The following RIMKLB variants were observed in gnomAD, a reference collection of about 807,000 sequenced individuals.
RIMKLB encodes the protein ribosomal modification protein rimK like family member B.
RIMKLB carries 7 observed loss-of-function variants against 32.0 expected under a neutral mutation model. That is an observed-to-expected ratio of 0.22 (90% CI 0.12 to 0.41). The LOEUF (loss-of-function observed/expected upper bound fraction) is 0.41, where lower values mean the gene tolerates loss of function less well. Among genes scored for constraint, RIMKLB ranks in the 10% least tolerant of loss-of-function variants. The probability of loss-of-function intolerance (pLI) is 1.00; values close to 1 mark genes in which losing one functional copy is unlikely to be tolerated. For missense variants in RIMKLB, 289 were observed against 498.7 expected (o/e 0.58, Z 4.00); for synonymous variants, 172 against 185.1 (o/e 0.93, Z 0.57).
chr12:8,733,490 A>G (rs941191005), intron 2 of RIMKLB, among the ~76,000 whole-genome samples: 31 of 152,326 alleles, frequency 2.0e-4, no homozygotes, highest in African/African-American at 7.0e-4. Context: ...AATATAAGGA[A>G]AAACATGAAA....
downstream of RIMKLB, chr12:8,777,601 GC>G: frequency 7.8e-7 from 1 of 1,287,758 alleles, no homozygotes; most frequent in Non-Finnish European, 1.0e-6. Flanking sequence ...CTTTTCAGGA[GC>G]CAAAAAAACA....
At chr12:8,720,193 A>C (rs1215521427) in intron 2 of RIMKLB, among the ~76,000 whole-genome samples, 1 of 152,212 alleles carries the variant, frequency 6.6e-6, no homozygotes, top group Non-Finnish European at 1.5e-5. Context: ...TAAGACATTG[A>C]GGACATATAT....
At chr12:8,762,839 GT>G (rs766328778) in intron 5 of RIMKLB, among the ~76,000 whole-genome samples, 13 of 152,166 alleles carry the variant, frequency 8.5e-5, no homozygotes, top group Non-Finnish European at 1.8e-4. Flanking sequence ...ACTTCCATCA[GT>G]ATACAAGTTG....
upstream of RIMKLB, among the ~76,000 whole-genome samples, chr12:8,696,089 A>G (rs7976729): frequency 0.21 from 31,636 of 152,200 alleles, 3,624 homozygotes; most frequent in Non-Finnish European, 0.26. Flanking sequence ...CTGGGGATGC[A>G]GTTACCACGA....
chr12:8,705,000 A>ACACACACACACACACACACAC (rs1178112609), intron 1 of RIMKLB, among the ~76,000 whole-genome samples: 3 of 151,058 alleles, frequency 2.0e-5, no homozygotes, highest in African/African-American at 7.3e-5. Context: ...ACACACACAC[A>ACACACACACACACACACACAC]AAACCCCAAA....
At chr12:8,770,902 GATTA>G (rs1435993000) in intron 5 of RIMKLB, among the ~76,000 whole-genome samples, 3 of 152,174 alleles carry the variant, frequency 2.0e-5, no homozygotes, top group African/African-American at 7.2e-5. Flanking sequence ...GCTTAGGTTT[GATTA>G]ATTTGCTACA....
upstream of RIMKLB, among the ~76,000 whole-genome samples, chr12:8,677,807 C>T (rs998808436): frequency 6.6e-6 from 1 of 151,144 alleles, no homozygotes; most frequent in African/African-American, 2.4e-5. Context: ...AGCTGGAGTG[C>T]AGTGGCACAG....
the RIMKLB span, among the ~76,000 whole-genome samples, chr12:8,673,379 C>T: frequency 6.6e-6 from 1 of 152,104 alleles, no homozygotes; most frequent in African/African-American, 2.4e-5. Flanking sequence ...TAACAAACTA[C>T]ACCAAAAACT....
intron 2 of RIMKLB, among the ~76,000 whole-genome samples, chr12:8,746,353 C>T (rs1009604544): frequency 4.0e-5 from 6 of 151,686 alleles, no homozygotes; most frequent in African/African-American, 1.5e-4. Context: ...AATCCCAGCA[C>T]TTTGGGAGGC....
the RIMKLB span, among the ~76,000 whole-genome samples, chr12:8,669,977 A>C: frequency 6.7e-6 from 1 of 149,146 alleles, no homozygotes; most frequent in South Asian, 2.1e-4. Flanking sequence ...CAGTGAGCCA[A>C]GATCACGCCA....
intron 2 of RIMKLB, among the ~76,000 whole-genome samples, chr12:8,745,920 C>A (rs1948043909): frequency 1.3e-5 from 2 of 151,528 alleles, no homozygotes; most frequent in Non-Finnish European, 2.9e-5. Context: ...GTTTTGAACT[C>A]CTGACCTCAG....
chr12:8,729,457 T>C (rs1161276420), intron 2 of RIMKLB, among the ~76,000 whole-genome samples: 2 of 152,074 alleles, frequency 1.3e-5, no homozygotes, highest in East Asian at 3.9e-4. Flanking sequence ...TTCTCTCTGA[T>C]ATCTAACCAT....
At chr12:8,729,486 G>C (rs1946345868) in intron 2 of RIMKLB, among the ~76,000 whole-genome samples, 1 of 152,080 alleles carries the variant, frequency 6.6e-6, no homozygotes, top group Non-Finnish European at 1.5e-5. Context: ...ACGTCCAGCT[G>C]CTTCTCCTGT....
intron 1 of RIMKLB, among the ~76,000 whole-genome samples, chr12:8,708,017 A>G (rs1156773228): frequency 1.3e-5 from 2 of 152,218 alleles, no homozygotes; most frequent in African/African-American, 2.4e-5. Context: ...ATCGTATGTT[A>G]CAATAGAATT....
chr12:8,708,456 T>A (rs997526215), intron 1 of RIMKLB, among the ~76,000 whole-genome samples: 8 of 152,212 alleles, frequency 5.3e-5, no homozygotes, highest in Non-Finnish European at 8.8e-5. Context: ...CAGAATAGGT[T>A]GACACATCCT....
chr12:8,705,809 A>G (rs747861359), intron 1 of RIMKLB, among the ~76,000 whole-genome samples: 2 of 152,280 alleles, frequency 1.3e-5, no homozygotes, highest in African/African-American at 4.8e-5. Context: ...ATTTTTGGGG[A>G]GACCAGCAGA....
At position 8,775,775 on chromosome 12, in the gene RIMKLB, G is replaced by C. The variant is rs778721959; in HGVS notation, c.*1991G>C. ...GAATAGTACCTCTCATCTGTGCAGT[G>C]TCTCATTTCACCTCAGAGAAAAGGA... is the stretch of plus-strand genomic sequence containing the variant. On this transcript the variant is annotated 3_prime_UTR_variant, in exon 6 of 6. Transcript: ENST00000535829. The C allele has an allele frequency of 1.7e-5, 17 of 985,376 alleles. No individual in the cohort carries two copies. Among genetic ancestry groups the C allele is most frequent in the Non-Finnish European group, 2.0e-5 (17 of 829,586 alleles). 61.0% of individuals were successfully genotyped at this position (985,376 alleles called of 1,614,324 possible). A position where few individuals can be genotyped will look rare whatever the true frequency, so the allele number is the denominator to read the frequency against.
chr12:8,714,127 A>G, intron 2 of RIMKLB, 86 bp downstream of exon 2: 4 of 1,114,294 alleles, frequency 3.6e-6, no homozygotes, highest in Non-Finnish European at 5.3e-6. Context: ...GGACAGAGGA[A>G]TTCTTAGCCT....
Position 8,686,040 on chromosome 12 carries a change from T to C in RIMKLB, n.219+4222T>C, listed in dbSNP as rs751972682. Among the ~76,000 whole-genome samples the C allele has an allele frequency of 4.7e-3, 710 of 152,216 alleles. 6 individuals carry two copies. Among genetic ancestry groups the C allele is most frequent in the African/African-American group, 0.016 (679 of 41,542 alleles). On this transcript the variant is annotated intron_variant and non_coding_transcript_variant, in intron 1 of 1. Transcript: ENST00000538758. ...CCTGGATGGTCTCGAGCTCTTGACC[T>C]TGTGATCCGCCCACCTCGGTCTTCC...
Sources: gnomAD v4.1 joint callset for allele counts (sites outside exome capture counted in the v4.1 genomes callset) on GRCh38, gnomAD v4.1.1 for gene constraint, MANE v1.5 for transcripts, NCBI Gene and HGNC (gene_info 2026-07-23, HGNC 2026-07-21) for gene names.